Variants in RGS7 observed in about 807,000 individuals in gnomAD.
The protein encoded by RGS7 is regulator of G protein signaling 7.
Under a neutral mutation model 81.1 loss-of-function variants are expected in RGS7, and 27 were observed. The ratio of observed to expected loss-of-function variants is 0.33; its 90% CI spans 0.25 to 0.46. The LOEUF is 0.46. Ranked by LOEUF, RGS7 falls within the 20% of genes least tolerant of loss-of-function variation. The pLI, the probability that RGS7 is intolerant of heterozygous loss-of-function variation, is 1.00. For missense variants in RGS7, 396 were observed against 607.4 expected (o/e 0.65, Z 3.66); for synonymous variants, 208 against 207.7 (o/e 1.00, Z -0.01).
At position 241,327,121 on chromosome 1, in the gene RGS7, A is replaced by AGAAAGAAAGAAG. The variant is rs1553320813; in HGVS notation, c.78+28577_78+28578insCTTCTTTCTTTC. On this transcript the variant is annotated intron_variant, in intron 2 of 18. Transcript: ENST00000440928. ...AAGAAAGAAAGAAAGAAAGAAAGAA[A>AGAAAGAAAGAAG]GAAAGAAAGAAAGAAAGAAAGAAAG... Among the ~76,000 whole-genome samples, 34 of 111,566 alleles carry AGAAAGAAAGAAG rather than the reference A, an allele frequency of 3.0e-4. 2 individuals are homozygous for AGAAAGAAAGAAG. The highest frequency in any genetic ancestry group is 1.1e-3 in the African/African-American group (31 of 29,184). 73.2% of individuals were successfully genotyped at this position (111,566 alleles called of 152,430 possible). A position where few individuals can be genotyped will look rare whatever the true frequency, so the allele number is the denominator to read the frequency against.
At chr1:241,165,704 A>G (rs1419332236) in intron 2 of RGS7, among the ~76,000 whole-genome samples, 2 of 151,744 alleles carry the variant, frequency 1.3e-5, no homozygotes, top group Non-Finnish European at 2.9e-5. Context: ...TGGGTGCAGC[A>G]CATCAGCATG....
At chr1:240,792,945 G>A (rs978603465) in intron 18 of RGS7, among the ~76,000 whole-genome samples, 1 of 151,984 alleles carries the variant, frequency 6.6e-6, no homozygotes, top group Non-Finnish European at 1.5e-5. Flanking sequence ...GAATACATGG[G>A]TGCTCTTGGT....
intron 2 of RGS7, among the ~76,000 whole-genome samples, chr1:241,229,781 A>T (rs766329678): frequency 6.6e-6 from 1 of 152,208 alleles, no homozygotes; most frequent in Non-Finnish European, 1.5e-5. Context: ...CCGGGAAATG[A>T]TCAGAACTAT....
At chr1:240,975,868 G>A (rs1173501160) in intron 4 of RGS7, among the ~76,000 whole-genome samples, 2 of 152,250 alleles carry the variant, frequency 1.3e-5, no homozygotes, top group African/African-American at 2.4e-5. Context: ...GTGGAAGAAC[G>A]TTGCCAGTAA....
Position 241,324,942 on chromosome 1 carries a change from T to C in RGS7, c.78+30757A>G, listed in dbSNP as rs191460024. On this transcript the variant is annotated intron_variant, in intron 2 of 18. Coordinates refer to ENST00000440928, the MANE Select transcript of RGS7 (RefSeq NM_001364886.1). The stretch of plus-strand genomic sequence containing the variant: ...TATTAAAAGACATCACATTCTACTA[T>C]AAAGCTATGGACACATCTTTCCAAA... Among the ~76,000 whole-genome samples the C allele has an allele frequency of 1.5e-3, 230 of 152,346 alleles. 12 individuals carry two copies. The South Asian group carries it at 0.044, about 29-fold the overall frequency.
At chr1:241,131,226 A>T (rs1038676280) in intron 2 of RGS7, among the ~76,000 whole-genome samples, 4 of 152,202 alleles carry the variant, frequency 2.6e-5, no homozygotes, top group African/African-American at 9.6e-5. Flanking sequence ...CATAGCACAT[A>T]GGAAAAAAAA....
At chr1:240,982,831 T>C (rs1411439044) in intron 4 of RGS7, among the ~76,000 whole-genome samples, 1 of 152,182 alleles carries the variant, frequency 6.6e-6, no homozygotes, top group Non-Finnish European at 1.5e-5. Flanking sequence ...AGTCTAACGA[T>C]CACCGATGAC....
At chr1:241,346,279 G>A (rs1016247290) in intron 2 of RGS7, among the ~76,000 whole-genome samples, 6 of 125,492 alleles carry the variant, frequency 4.8e-5, no homozygotes, top group African/African-American at 1.7e-4. Context: ...ATGATGAGGT[G>A]CTTGGCATCT....
At chr1:241,103,733 G>T (rs898419061) in intron 2 of RGS7, among the ~76,000 whole-genome samples, 4 of 152,074 alleles carry the variant, frequency 2.6e-5, no homozygotes, top group African/African-American at 2.4e-5. Flanking sequence ...AATGAACTGG[G>T]CATGGTGGCA....
chr1:241,050,931 C>T (rs933603262), intron 3 of RGS7, among the ~76,000 whole-genome samples: 5 of 152,138 alleles, frequency 3.3e-5, no homozygotes, highest in Non-Finnish European at 7.4e-5. Context: ...AAGTTATTAG[C>T]AGCCAAGCTT....
chr1:241,355,826 C>T lies in RGS7; in HGVS notation c.-50G>A. 6.6e-7 allele frequency: 1 copy of T among 1,504,494 alleles called. No homozygotes were observed. The highest frequency in any genetic ancestry group is 1.4e-5 in the African/African-American group (1 of 73,010). The allele number at this position is 1,504,494 out of a possible 1,614,324, so 93.2% of individuals were successfully genotyped here. ...CAAGATACAAGAATTATCAGTGTGC[C>T]CTGCAAAGGGTCAGAGAGACTTCAG... On this transcript the variant is annotated splice_region_variant and 5_prime_UTR_variant, in exon 2 of 19. Transcript: ENST00000440928.
intron 6 of RGS7, among the ~76,000 whole-genome samples, chr1:240,926,815 A>G (rs1024258165): frequency 1.3e-5 from 2 of 152,194 alleles, no homozygotes; most frequent in African/African-American, 4.8e-5. Context: ...ATCTTATCCA[A>G]CTTGATTTTC....
intron 6 of RGS7, among the ~76,000 whole-genome samples, chr1:240,925,348 G>T (rs1674269556): frequency 6.6e-6 from 1 of 152,002 alleles, no homozygotes; most frequent in Non-Finnish European, 1.5e-5. Flanking sequence ...CCAATGTTTA[G>T]CTCCCTCTTA....
At position 240,802,934 on chromosome 1, in the gene RGS7, G is replaced by A. The variant is rs201135677; in HGVS notation, c.1329C>T (p.Ala443=). The A allele has an allele frequency of 3.7e-6, 6 of 1,612,330 alleles. No homozygotes were observed. In the Admixed American group the frequency reaches 8.3e-5, roughly 22 times the overall value. ...TCTTTGCCTGTAGAAGCTCCTGATA[G>A]GCACTGGATCTTATAAAACGTGGGT... The part of the protein sequence containing the change: ...DSYPRFIRSS[A]YQELLQAKKK... The change falls in exon 16 of 19, where the codon GCC becomes GCT. Residue 443 remains alanine (A), a synonymous_variant. Transcript: ENST00000440928.
At chr1:240,959,258 T>C (rs377719518) in intron 4 of RGS7, among the ~76,000 whole-genome samples, 19 of 152,266 alleles carry the variant, frequency 1.2e-4, no homozygotes, top group Admixed American at 4.6e-4. Context: ...AAGAGGAAAA[T>C]ACAGCCATGT....
intron 4 of RGS7, among the ~76,000 whole-genome samples, chr1:240,941,752 C>A (rs961058481): frequency 6.6e-6 from 1 of 151,798 alleles, no homozygotes; most frequent in Admixed American, 6.6e-5. Flanking sequence ...GGTCCCACTG[C>A]TCCGAAATCT....
At chr1:240,860,300 G>T (rs907874508) in intron 9 of RGS7, among the ~76,000 whole-genome samples, 6 of 151,988 alleles carry the variant, frequency 3.9e-5, no homozygotes, top group East Asian at 1.9e-4. Flanking sequence ...TGATAGAGGG[G>T]TATTACAGTC....
intron 2 of RGS7, among the ~76,000 whole-genome samples, chr1:241,110,093 C>A (rs1007990103): frequency 6.6e-6 from 1 of 152,186 alleles, no homozygotes; most frequent in Admixed American, 6.5e-5. Flanking sequence ...TTACAATATA[C>A]TCTCTGTAAA....
intron 2 of RGS7, among the ~76,000 whole-genome samples, chr1:241,172,347 A>G (rs2070793236): frequency 6.6e-6 from 1 of 152,136 alleles, no homozygotes; most frequent in Non-Finnish European, 1.5e-5. Context: ...AAAGAAAAAT[A>G]GTAAAATAGT....
Sources: allele counts gnomAD v4.1 joint callset (sites outside exome capture counted in the v4.1 genomes callset), GRCh38; gene constraint gnomAD v4.1.1; transcripts MANE v1.5; gene names NCBI Gene and HGNC (gene_info 2026-07-23, HGNC 2026-07-21).